The following CEP112 variants were observed in gnomAD, a reference collection of about 807,000 sequenced individuals.
CEP112 encodes the protein centrosomal protein 112, also known as centrosomal protein of 112 kDa.
Under a neutral mutation model 153.0 loss-of-function variants are expected in CEP112, and 127 were observed. The observed-to-expected ratio is 0.83, with a 90% CI of 0.72 to 0.96. The LOEUF (loss-of-function observed/expected upper bound fraction) is 0.96, where lower values mean the gene tolerates loss of function less well. Among genes scored for constraint, CEP112 ranks in the 40% least tolerant of loss-of-function variants. The pLI is 0.00. For missense variants in CEP112, 1,089 were observed against 1,101.2 expected (o/e 0.99, Z 0.16); for synonymous variants, 358 against 374.4 (o/e 0.96, Z 0.51).
At chr17:65,969,216 G>C (rs140567370) in intron 17 of CEP112, among the ~76,000 whole-genome samples, 2 of 151,722 alleles carry the variant, frequency 1.3e-5, no homozygotes, top group East Asian at 3.9e-4. Flanking sequence ...CAAGTAGCTG[G>C]GATTACAGGC....
chr17:65,937,096 AC>A (rs1311736257), intron 18 of CEP112, among the ~76,000 whole-genome samples: 1 of 148,784 alleles, frequency 6.7e-6, no homozygotes, highest in African/African-American at 2.5e-5. Context: ...AGGATTGCAG[AC>A]AGAGTCTCGT....
At chr17:65,970,537 A>G (rs5015873) in intron 17 of CEP112, among the ~76,000 whole-genome samples, 50,484 of 132,580 alleles carry the variant, frequency 0.38, 11,403 homozygotes, top group East Asian at 0.86. Context: ...TGTATAACAC[A>G]TGAATATTAC....
At chr17:65,660,264 TTC>T (rs2046289082) in intron 24 of CEP112, among the ~76,000 whole-genome samples, 1 of 144,954 alleles carries the variant, frequency 6.9e-6, no homozygotes, top group East Asian at 2.1e-4. Context: ...CTTTTTTCTT[TTC>T]TTTTTCTCCT....
chr17:66,174,618 T>C (rs1252526560), intron 4 of CEP112, among the ~76,000 whole-genome samples: 1 of 151,908 alleles, frequency 6.6e-6, no homozygotes, highest in Non-Finnish European at 1.5e-5. Flanking sequence ...AATTTGGAAA[T>C]TTATTTTTAT....
At chr17:65,739,513 G>A (rs551574772) in intron 23 of CEP112, among the ~76,000 whole-genome samples, 14 of 152,086 alleles carry the variant, frequency 9.2e-5, no homozygotes, top group Middle Eastern at 3.4e-3. Flanking sequence ...AGGTGGGCAG[G>A]TCACCTGAGG....
intron 21 of CEP112, among the ~76,000 whole-genome samples, chr17:65,819,096 T>C (rs1334327176): frequency 6.6e-6 from 1 of 151,934 alleles, no homozygotes; most frequent in Non-Finnish European, 1.5e-5. Context: ...TTGCACTGAA[T>C]CTTGTTTTAA....
At chr17:66,140,982 C>T (rs2146608468) in intron 4 of CEP112, among the ~76,000 whole-genome samples, 1 of 152,106 alleles carries the variant, frequency 6.6e-6, no homozygotes, top group South Asian at 2.1e-4. Context: ...TCAGTATAAT[C>T]TTGATGAGCA....
chr17:65,732,225 A>G (rs547553206), intron 23 of CEP112, among the ~76,000 whole-genome samples: 3 of 152,324 alleles, frequency 2.0e-5, no homozygotes, highest in Admixed American at 2.0e-4. Flanking sequence ...CTCCTTGTAC[A>G]TCTCCATCAG....
At chr17:65,950,705 G>T (rs117177336) in intron 18 of CEP112, among the ~76,000 whole-genome samples, 4,204 of 62,466 alleles carry the variant, frequency 0.067, 83 homozygotes, top group South Asian at 0.29. Flanking sequence ...ATTACTAGTA[G>T]TAGTAGTAGT....
intron 18 of CEP112, among the ~76,000 whole-genome samples, chr17:65,951,916 C>T (rs11867226): frequency 0.11 from 16,793 of 151,938 alleles, 1,020 homozygotes; most frequent in South Asian, 0.14. Flanking sequence ...TCTTGATATG[C>T]CATATTTTTG....
At chr17:65,821,338 C>T (rs996941) in intron 21 of CEP112, among the ~76,000 whole-genome samples, 148,962 of 150,230 alleles carry the variant, frequency 0.99, 73,866 homozygotes, top group Middle Eastern at 1. Flanking sequence ...ATGTAGAACA[C>T]AAAGTTCAAA....
chr17:65,818,475 C>T (rs901731049), intron 21 of CEP112, among the ~76,000 whole-genome samples: 1 of 151,824 alleles, frequency 6.6e-6, no homozygotes, highest in African/African-American at 2.4e-5. Context: ...CATCCTTCCT[C>T]AGGATTCAGT....
At chr17:65,909,466 G>A (rs1160456927) in intron 19 of CEP112, among the ~76,000 whole-genome samples, 1 of 152,136 alleles carries the variant, frequency 6.6e-6, no homozygotes. Context: ...GAAGGACTTA[G>A]AGGCTAGCTA....
At position 65,855,137 on chromosome 17, in the gene CEP112, T is replaced by TC. The variant is rs1239260018; in HGVS notation, c.2164-3104dup. Among the ~76,000 whole-genome samples the TC allele has an allele frequency of 2.6e-5, 4 of 152,050 alleles. No homozygotes were observed. In the South Asian group the frequency reaches 6.2e-4, roughly 24 times the overall value. Reference sequence around the variant, plus strand: ...AAGCTCCTGGGTGGAATAAAGACAGTCCTAAGGGGGTACAGCCTGGGGAAG... The same window carrying TC: ...AAGCTCCTGGGTGGAATAAAGACAGTCCCTAAGGGGGTACAGCCTGGGGAAG... On this transcript the variant is annotated intron_variant, in intron 20 of 26. Coordinates refer to ENST00000535342, the MANE Select transcript of CEP112 (RefSeq NM_001199165.4).
chr17:66,013,664 A>T (rs955726167), intron 16 of CEP112, among the ~76,000 whole-genome samples: 3 of 152,228 alleles, frequency 2.0e-5, no homozygotes, highest in Non-Finnish European at 4.4e-5. Flanking sequence ...GTGCCAGCCA[A>T]AGCGCTTCAT....
chr17:66,053,798 C>G lies in CEP112; in HGVS notation c.1156G>C (p.Glu386Gln). 4 of 1,613,338 alleles carry G rather than the reference C, an allele frequency of 2.5e-6. No individual in the cohort carries two copies. The highest frequency in any genetic ancestry group is 3.3e-4 in the Middle Eastern group (2 of 6,056). Residue 386 changes from glutamate to glutamine, a missense_variant, in exon 12 of 27, where the codon GAG (glutamate) becomes CAG (glutamine). Glu to Gln is a conservative substitution (Grantham distance 29). Coordinates refer to ENST00000535342, the MANE Select transcript of CEP112 (RefSeq NM_001199165.4). Reference protein sequence around the residue: ...QHTENIQELLEDTNVRLNKME... With the variant: ...QHTENIQELLQDTNVRLNKME... The stretch of plus-strand genomic sequence containing the variant: ...TTATTCAGACGCACATTTGTATCCT[C>G]AAGCAATTCTTGAATGTTTTCAGTG...
chr17:65,801,708 C>T (rs1199710781), intron 21 of CEP112, among the ~76,000 whole-genome samples: 1 of 152,018 alleles, frequency 6.6e-6, no homozygotes, highest in Non-Finnish European at 1.5e-5. Flanking sequence ...TGCTTTCTGA[C>T]CTTCATGGTT....
chr17:65,657,143 C>T (rs939274763), intron 24 of CEP112, among the ~76,000 whole-genome samples: 1 of 152,180 alleles, frequency 6.6e-6, no homozygotes, highest in Non-Finnish European at 1.5e-5. Context: ...CTCTGTGCTT[C>T]TCCAGTTTAC....
At chr17:65,920,405 A>ATATATATATATAT (rs56723468) in intron 19 of CEP112, among the ~76,000 whole-genome samples, 1 of 99,510 alleles carries the variant, frequency 1.0e-5, no homozygotes, top group Non-Finnish European at 2.0e-5. Flanking sequence ...ATATATATAT[A>ATATATATATATAT]ATTATAATAT....
Sources: allele counts gnomAD v4.1 joint callset (sites outside exome capture counted in the v4.1 genomes callset), GRCh38; gene constraint gnomAD v4.1.1; transcripts MANE v1.5; gene names NCBI Gene and HGNC (gene_info 2026-07-23, HGNC 2026-07-21).